The following CDH12 variants were observed in gnomAD, a reference collection of about 807,000 sequenced individuals.
CDH12 encodes cadherin 12.
In CDH12, 41 loss-of-function variants were observed where a neutral mutation model predicts 74.1. The observed-to-expected ratio is 0.55, with a 90% confidence interval of 0.43 to 0.72. CDH12 has a LOEUF of 0.72. Among genes scored for constraint, CDH12 ranks in the 30% least tolerant of loss-of-function variants. The probability of loss-of-function intolerance (pLI) is 0.00; values close to 1 mark genes in which losing one functional copy is unlikely to be tolerated. For synonymous variants in CDH12, 399 were observed against 355.0 expected, an observed-to-expected ratio of 1.12 and a Z score of -1.39; for missense variants, 945 against 977.2, an observed-to-expected ratio of 0.97 and a Z score of 0.44.
Position 22,595,798 on chromosome 5 carries a change from C to T in CDH12, c.-522-90434G>A, listed in dbSNP as rs143772845. Among the ~76,000 whole-genome samples the T allele has an allele frequency of 3.9e-3, 591 of 152,108 alleles. 2 individuals carry two copies. The highest frequency in any genetic ancestry group is 0.011 in the African/African-American group (463 of 41,530). ...TTTCTGAAAAGCCAGGCATTTGGGC[C>T]GGGCACCGTGGCTCACACCTGTAAT... On this transcript the variant is annotated intron_variant, in intron 1 of 14. Transcript: ENST00000382254.
intron 4 of CDH12, among the ~76,000 whole-genome samples, chr5:22,204,161 T>TA (rs1554020484): frequency 3.5e-5 from 3 of 85,068 alleles, no homozygotes; most frequent in Non-Finnish European, 6.9e-5. Context: ...TTGTTTTGTT[T>TA]GTTTTTTTTT....
intron 4 of CDH12, among the ~76,000 whole-genome samples, chr5:22,097,476 T>C (rs989607887): frequency 6.6e-6 from 1 of 152,174 alleles, no homozygotes; most frequent in African/African-American, 2.4e-5. Context: ...TCCATAAATG[T>C]GGTAGGTATT....
intron 1 of CDH12, among the ~76,000 whole-genome samples, chr5:22,526,265 C>T (rs913482899): frequency 6.6e-6 from 1 of 152,112 alleles, no homozygotes; most frequent in Non-Finnish European, 1.5e-5. Context: ...TCAATGTTGA[C>T]TTACTCATCT....
At chr5:22,096,378 C>A (rs1743781847) in intron 4 of CDH12, among the ~76,000 whole-genome samples, 1 of 152,052 alleles carries the variant, frequency 6.6e-6, no homozygotes, top group African/African-American at 2.4e-5. Flanking sequence ...GTTCCCAATG[C>A]AACTCATCCC....
intron 4 of CDH12, among the ~76,000 whole-genome samples, chr5:22,170,039 T>G (rs1313764284): frequency 2.6e-5 from 4 of 151,898 alleles, no homozygotes; most frequent in Admixed American, 2.6e-4. Flanking sequence ...GCCATTACAA[T>G]CTTTGGATTA....
chr5:21,771,016 C>T (rs961593507), intron 11 of CDH12, among the ~76,000 whole-genome samples: 12 of 152,166 alleles, frequency 7.9e-5, no homozygotes, highest in African/African-American at 2.4e-4. Flanking sequence ...ACTTTGAGTA[C>T]ATATGAACAC....
intron 8 of CDH12, among the ~76,000 whole-genome samples, chr5:21,831,203 G>T (rs1749003780): frequency 6.6e-6 from 1 of 152,200 alleles, no homozygotes; most frequent in Middle Eastern, 3.4e-3. Flanking sequence ...TAGCTACTGG[G>T]ACAATTCTGA....
At chr5:22,557,651 T>C (rs1353156093) in intron 1 of CDH12, among the ~76,000 whole-genome samples, 1 of 152,100 alleles carries the variant, frequency 6.6e-6, no homozygotes, top group African/African-American at 2.4e-5. Flanking sequence ...TAGCATATTT[T>C]ATTCAGGCCA....
chr5:22,350,229 T>C (rs1024352677), intron 3 of CDH12, among the ~76,000 whole-genome samples: 2 of 152,230 alleles, frequency 1.3e-5, no homozygotes, highest in Admixed American at 6.5e-5. Flanking sequence ...TCACAGGAGT[T>C]ACAATAGAAG....
At chr5:22,217,350 T>C (rs1751842174) in intron 3 of CDH12, among the ~76,000 whole-genome samples, 1 of 151,840 alleles carries the variant, frequency 6.6e-6, no homozygotes, top group Non-Finnish European at 1.5e-5. Flanking sequence ...TTAATTAAAA[T>C]GATTGAGAAT....
At chr5:22,092,539 A>C (rs1319110634) in intron 4 of CDH12, among the ~76,000 whole-genome samples, 1 of 152,188 alleles carries the variant, frequency 6.6e-6, no homozygotes, top group Non-Finnish European at 1.5e-5. Context: ...GTCACTAGGA[A>C]AATGCAAATC....
At chr5:22,785,981 T>C (rs1008479962) in intron 1 of CDH12, among the ~76,000 whole-genome samples, 1 of 152,038 alleles carries the variant, frequency 6.6e-6, no homozygotes, top group Non-Finnish European at 1.5e-5. Context: ...ACCAAAGAAA[T>C]ATAAATTGTT....
intron 3 of CDH12, among the ~76,000 whole-genome samples, chr5:22,213,264 T>G (rs1198121201): frequency 6.6e-6 from 1 of 152,034 alleles, no homozygotes; most frequent in Non-Finnish European, 1.5e-5. Flanking sequence ...TCATACTAAA[T>G]AAGCATATTT....
intron 1 of CDH12, among the ~76,000 whole-genome samples, chr5:22,641,655 C>T (rs145711358): frequency 6.0e-4 from 91 of 152,192 alleles, no homozygotes; most frequent in Non-Finnish European, 1.1e-3. Flanking sequence ...TGCCTTAGGC[C>T]CTTTGCACTA....
chr5:22,349,491 C>T (rs2150462875), intron 3 of CDH12, among the ~76,000 whole-genome samples: 1 of 152,264 alleles, frequency 6.6e-6, no homozygotes, highest in Non-Finnish European at 1.5e-5. Context: ...ATTTGTTTCT[C>T]AGTGGCTATA....
chr5:22,780,310 G>C (rs1427443231), intron 1 of CDH12, among the ~76,000 whole-genome samples: 1 of 152,126 alleles, frequency 6.6e-6, no homozygotes, highest in Non-Finnish European at 1.5e-5. Flanking sequence ...AGGTTTGCTT[G>C]AGTCCAGGAT....
intron 4 of CDH12, among the ~76,000 whole-genome samples, chr5:22,201,304 G>C (rs1448661999): frequency 1.3e-5 from 2 of 152,126 alleles, no homozygotes; most frequent in Non-Finnish European, 2.9e-5. Context: ...ACTGGATAAA[G>C]AAATGTGGTG....
chr5:22,721,615 GAA>G (rs1016024265), intron 1 of CDH12, among the ~76,000 whole-genome samples: 9 of 152,128 alleles, frequency 5.9e-5, no homozygotes, highest in Non-Finnish European at 1.0e-4. Context: ...GATTGGTTTT[GAA>G]ATGTAAGGAC....
In CDH12 at chr5:21,981,689, A is replaced by G. The variant is rs182781483; in HGVS notation, c.232-6304T>C. Among the ~76,000 whole-genome samples the G allele has an allele frequency of 7.1e-3, 1,073 of 152,022 alleles. 19 individuals are homozygous for G. Among genetic ancestry groups the G allele is most frequent in the South Asian group, 0.06 (291 of 4,812 alleles). On this transcript the variant is annotated intron_variant, in intron 5 of 14. Coordinates refer to ENST00000382254, the MANE Select transcript of CDH12 (RefSeq NM_004061.5). The stretch of plus-strand genomic sequence containing the variant: ...AAAAATTCTGAAGTAGGCCTTAGGT[A>G]TTTTTTGTTTTTTAAAGGGTCTTGT...
Sources: gnomAD v4.1 joint callset for allele counts (sites outside exome capture counted in the v4.1 genomes callset) on GRCh38, gnomAD v4.1.1 for gene constraint, MANE v1.5 for transcripts, NCBI Gene and HGNC (gene_info 2026-07-23, HGNC 2026-07-21) for gene names.